ABITRAM: variants seen among roughly 807,000 people sequenced by gnomAD.
ABITRAM encodes actin binding transcription modulator, also known as protein Abitram.
A neutral mutation model predicts 22.9 loss-of-function variants in ABITRAM; 19 were observed. That is an observed-to-expected ratio of 0.83 (90% confidence interval 0.58 to 1.22). The LOEUF is 1.22. Ranked by LOEUF, ABITRAM falls within the 50% of genes most tolerant of loss-of-function variation. ABITRAM has a pLI of 0.00. For synonymous variants in ABITRAM, 70 were observed against 73.9 expected (o/e 0.95, Z 0.27); for missense variants, 215 against 220.2 (o/e 0.98, Z 0.15).
rs1554705453 is a variant in ABITRAM, at chr9:108,938,693, G to GGGA, written c.262-501_262-500insAGG. ...CTAACACACTGGGGAATTACAAAGG[G>GGGA]GGGGGGGGGAAAGAACAATATCCCT... On this transcript the variant is annotated intron_variant, in intron 3 of 5. Transcript: ENST00000322940. Among the ~76,000 whole-genome samples the GGGA allele has an allele frequency of 9.1e-5, 12 of 131,494 alleles. 1 individual carries two copies. The highest frequency in any genetic ancestry group is 4.3e-4 in the Admixed American group (5 of 11,542). 86.3% of individuals were successfully genotyped at this position (131,494 alleles called of 152,430 possible). A position where few individuals can be genotyped will look rare whatever the true frequency, so the allele number is the denominator to read the frequency against.
intron 3 of ABITRAM, among the ~76,000 whole-genome samples, chr9:108,949,169 G>A (rs148318888): frequency 6.2e-4 from 95 of 152,226 alleles, no homozygotes; most frequent in African/African-American, 2.1e-3. Flanking sequence ...CAGGAAAACT[G>A]CTACAAGGTA....
At position 108,939,387 on chromosome 9, in the gene ABITRAM, G is replaced by A; in HGVS notation, c.341G>A (p.Cys114Tyr). Residue 114 changes from cysteine (C) to tyrosine (Y), a missense_variant and splice_region_variant, in exon 5 of 6, where the codon TGT becomes TAT. Physicochemically the swap from Cys to Tyr is radical, Grantham distance 194 (BLOSUM62 -2). Transcript: ENST00000322940. ...SDGEEYTVSS[C>Y]VRGRLMEVNE... is the part of the protein sequence containing the mutation. Reference sequence around the variant, plus strand: ...GAAATCTTAAATTTTTTTAATAGTTGTGTTAGAGGACGTTTGATGGAAGTG... The same window carrying A: ...GAAATCTTAAATTTTTTTAATAGTTATGTTAGAGGACGTTTGATGGAAGTG... The A allele has an allele frequency of 6.2e-7, 1 of 1,605,668 alleles. No individual in the cohort carries two copies. Among genetic ancestry groups the A allele is most frequent in the Non-Finnish European group, 8.5e-7 (1 of 1,177,910 alleles).
chr9:108,942,592 CATTT>C, downstream of ABITRAM: 1 of 573,474 alleles, frequency 1.7e-6, no homozygotes, highest in Non-Finnish European at 3.1e-6. Context: ...ATTACCAAGA[CATTT>C]ATTAGTTGTC....
chr9:108,938,337 G>A (rs969900795), intron 3 of ABITRAM, among the ~76,000 whole-genome samples: 2 of 152,144 alleles, frequency 1.3e-5, no homozygotes, highest in South Asian at 2.1e-4. Flanking sequence ...AAATAAAGGG[G>A]TCATAAAGAA....
intron 3 of ABITRAM, among the ~76,000 whole-genome samples, chr9:108,938,727 A>G (rs1260165217): frequency 6.6e-6 from 1 of 151,998 alleles, no homozygotes. Flanking sequence ...CTTCTTCAAA[A>G]AGTCTTAGTG....
downstream of ABITRAM, chr9:108,943,924 A>G: frequency 6.2e-7 from 1 of 1,606,888 alleles, no homozygotes; most frequent in Non-Finnish European, 8.5e-7. Flanking sequence ...GTTATACATA[A>G]TACCACCACC....
At chr9:108,934,848 C>A (rs1339928660) in intron 1 of ABITRAM, among the ~76,000 whole-genome samples, 1 of 152,046 alleles carries the variant, frequency 6.6e-6, no homozygotes, top group Admixed American at 6.5e-5. Flanking sequence ...CAAAGGTAGG[C>A]GGAGGGCTAG....
chr9:108,935,045 G>T (rs770228896), intron 1 of ABITRAM, among the ~76,000 whole-genome samples: 3 of 152,178 alleles, frequency 2.0e-5, no homozygotes, highest in African/African-American at 4.8e-5. Flanking sequence ...CTTAAGAGAC[G>T]CCATCTGCCA....
intron 3 of ABITRAM, among the ~76,000 whole-genome samples, chr9:108,947,262 C>T (rs1303831877): frequency 2.0e-5 from 3 of 152,040 alleles, no homozygotes; most frequent in South Asian, 2.1e-4. Flanking sequence ...TACAGGTGCC[C>T]GCCACCACAC....
At chr9:108,938,594 CTT>C (rs1406167652) in intron 3 of ABITRAM, among the ~76,000 whole-genome samples, 1 of 147,926 alleles carries the variant, frequency 6.8e-6, no homozygotes, top group Non-Finnish European at 1.5e-5. Context: ...CTGCTTAAAA[CTT>C]TTGTTTTCCA....
downstream of ABITRAM, among the ~76,000 whole-genome samples, chr9:108,941,757 G>A (rs1587936127): frequency 6.6e-6 from 1 of 152,104 alleles, no homozygotes; most frequent in African/African-American, 2.4e-5. Context: ...CAAAATGAAT[G>A]TCAAAGCATT....
At chr9:108,944,401 G>T (rs1353275061), downstream of ABITRAM, among the ~76,000 whole-genome samples, 1 of 149,236 alleles carries the variant, frequency 6.7e-6, no homozygotes, top group African/African-American at 2.4e-5. Context: ...GGTCAAAAGG[G>T]TTAGGACCTT....
At chr9:108,936,268 T>G (rs979388169) in intron 2 of ABITRAM, 40 bp from the exon 3 acceptor site, 18 of 1,595,782 alleles carry the variant, frequency 1.1e-5, no homozygotes, top group Admixed American at 1.7e-5. Flanking sequence ...GGAAAAATTA[T>G]TCCAAGCAAT....
At chr9:108,944,139 G>T, downstream of ABITRAM, 1 of 958,620 alleles carries the variant, frequency 1.0e-6, no homozygotes, top group Non-Finnish European at 1.5e-6. Flanking sequence ...TAAAAAGTCT[G>T]TCAGGAACTC....
At chr9:108,937,891 A>G (rs1435318533) in intron 3 of ABITRAM, among the ~76,000 whole-genome samples, 1 of 151,530 alleles carries the variant, frequency 6.6e-6, no homozygotes, top group African/African-American at 2.4e-5. Context: ...CCAGTTACCC[A>G]GGAGGCTGAG....
intron 3 of ABITRAM, among the ~76,000 whole-genome samples, chr9:108,937,138 C>A (rs1433025337): frequency 6.6e-6 from 1 of 152,034 alleles, no homozygotes. Flanking sequence ...CCAGCCTGAG[C>A]GGCAGAGCAA....
At chr9:108,950,654 T>C in exon 4 of ABITRAM, 1 of 1,530,448 alleles carries the variant, frequency 6.5e-7, no homozygotes, top group Non-Finnish European at 8.8e-7. Flanking sequence ...GTCTGCTGCC[T>C]CACCTATCCC....
chr9:108,937,469 C>A (rs915835790), intron 3 of ABITRAM, among the ~76,000 whole-genome samples: 3 of 152,182 alleles, frequency 2.0e-5, no homozygotes, highest in African/African-American at 4.8e-5. Context: ...CTAAGAGTTT[C>A]TGCTAATTGC....
chr9:108,946,887 C>T (rs1033128753), intron 3 of ABITRAM, among the ~76,000 whole-genome samples: 7 of 151,650 alleles, frequency 4.6e-5, no homozygotes, highest in South Asian at 2.1e-4. Context: ...CCCTACAGGG[C>T]GGTATGACAG....
Sources: gnomAD v4.1 joint callset for allele counts (sites outside exome capture counted in the v4.1 genomes callset) on GRCh38, gnomAD v4.1.1 for gene constraint, MANE v1.5 for transcripts, NCBI Gene and HGNC (gene_info 2026-07-23, HGNC 2026-07-21) for gene names.